The following EDA variants were observed in gnomAD, a reference collection of about 807,000 sequenced individuals.
The protein encoded by EDA is ectodysplasin-A.
In EDA, 2 loss-of-function variants were observed where a neutral mutation model predicts 23.6. That is an observed-to-expected ratio of 0.08 (90% CI 0.03 to 0.27). EDA has a LOEUF of 0.27. Ranked by LOEUF, EDA falls within the 10% of genes least tolerant of loss-of-function variation. EDA has a pLI of 1.00. For synonymous variants in EDA, 131 were observed against 132.0 expected, an observed-to-expected ratio of 0.99 and a Z score of 0.05; for missense variants, 229 against 324.2, an observed-to-expected ratio of 0.71 and a Z score of 2.26.
At chrX:69,713,123 T>C (rs1054187485) in intron 1 of EDA, among the ~76,000 whole-genome samples, 2 of 108,957 alleles carry the variant, frequency 1.8e-5, no homozygotes, top group African/African-American at 6.7e-5. Context: ...AATGACGAGT[T>C]AATGGGTGCA....
At chrX:69,855,985 C>T (rs937809904) in intron 1 of EDA, among the ~76,000 whole-genome samples, 45 of 109,923 alleles carry the variant, frequency 4.1e-4, no homozygotes, top group African/African-American at 1.4e-3. Context: ...GATTTTGGTG[C>T]ACCCATCACC....
At chrX:69,765,483 G>T (rs1333502191) in intron 1 of EDA, among the ~76,000 whole-genome samples, 1 of 111,664 alleles carries the variant, frequency 9.0e-6, no homozygotes, top group Non-Finnish European at 1.9e-5. Context: ...TGTTTTTCTA[G>T]CCTGCAGCCT....
At chrX:69,692,663 T>G (rs1252120803) in intron 1 of EDA, among the ~76,000 whole-genome samples, 1 of 111,981 alleles carries the variant, frequency 8.9e-6, no homozygotes. Context: ...CCCAGTTCAT[T>G]GTAAGGGATT....
chrX:70,009,659 T>A (rs993991131), intron 2 of EDA, among the ~76,000 whole-genome samples: 13 of 111,667 alleles, frequency 1.2e-4, no homozygotes, highest in African/African-American at 3.9e-4. Context: ...CAGTCTTGGC[T>A]CACTGCAACG....
At chrX:69,645,470 A>G (rs1412046542) in intron 1 of EDA, among the ~76,000 whole-genome samples, 3 of 101,870 alleles carry the variant, frequency 2.9e-5, no homozygotes, top group African/African-American at 1.1e-4. Context: ...GATTGTGTTT[A>G]GAGTGTTTCA....
In EDA at chrX:70,036,488, C is replaced by A. The variant is rs1244478272; in HGVS notation, c.*879C>A. On this transcript the variant is annotated 3_prime_UTR_variant, in exon 8 of 8. Transcript: ENST00000374552. ...TCTGAGACAGGTGCCTAACCTGGGA[C>A]CTGTGGTCATGTGAGTCTGGGATAT... 3 of 112,677 alleles carry A rather than the reference C, an allele frequency of 2.7e-5. No homozygotes were observed. Among genetic ancestry groups the A allele is most frequent in the Non-Finnish European group, 5.6e-5 (3 of 53,251 alleles). 9.3% of individuals were successfully genotyped at this position (112,677 alleles called of 1,213,427 possible).
intron 2 of EDA, among the ~76,000 whole-genome samples, chrX:69,971,998 T>G (rs937651798): frequency 1.8e-5 from 2 of 111,265 alleles, no homozygotes; most frequent in Admixed American, 9.6e-5. Flanking sequence ...AATTGGTAAC[T>G]TATTGGGAGA....
At chrX:69,760,072 G>A (rs2014252635) in intron 1 of EDA, among the ~76,000 whole-genome samples, 1 of 107,911 alleles carries the variant, frequency 9.3e-6, no homozygotes, top group Non-Finnish European at 1.9e-5. Flanking sequence ...ACTCTTGCCA[G>A]TGTGAATGGA....
chrX:69,936,576 C>T (rs1160537664), intron 1 of EDA, among the ~76,000 whole-genome samples: 1 of 111,750 alleles, frequency 8.9e-6, no homozygotes, highest in Non-Finnish European at 1.9e-5. Flanking sequence ...TTCTGTGGGT[C>T]AAAACCGAGT....
At chrX:69,927,887 A>T (rs1446440094) in intron 1 of EDA, among the ~76,000 whole-genome samples, 1 of 110,795 alleles carries the variant, frequency 9.0e-6, no homozygotes, top group Non-Finnish European at 1.9e-5. Context: ...TACCCATTCT[A>T]TATGCCATTA....
At chrX:69,994,473 C>T (rs1254488881) in intron 2 of EDA, among the ~76,000 whole-genome samples, 1 of 112,084 alleles carries the variant, frequency 8.9e-6, no homozygotes, top group Non-Finnish European at 1.9e-5. Context: ...ATAAGAATCA[C>T]CTAGGACTTG....
At chrX:69,805,319 T>C (rs1359387461) in intron 1 of EDA, among the ~76,000 whole-genome samples, 1 of 111,356 alleles carries the variant, frequency 9.0e-6, no homozygotes, top group African/African-American at 3.3e-5. Context: ...TGCTCATTGC[T>C]GAAACTATAG....
intron 1 of EDA, among the ~76,000 whole-genome samples, chrX:69,764,449 G>A (rs1398690324): frequency 1.1e-4 from 12 of 106,712 alleles, no homozygotes; most frequent in African/African-American, 3.8e-4. Flanking sequence ...CACCACATTG[G>A]CCAGGCTGGT....
chrX:69,785,606 C>T (rs1024785103), intron 1 of EDA, among the ~76,000 whole-genome samples: 10 of 110,332 alleles, frequency 9.1e-5, no homozygotes, highest in South Asian at 7.7e-4. Context: ...TATTGATTTG[C>T]GCATATTGAA....
At chrX:69,754,986 C>G (rs916780231) in intron 1 of EDA, among the ~76,000 whole-genome samples, 1 of 111,523 alleles carries the variant, frequency 9.0e-6, no homozygotes, top group Non-Finnish European at 1.9e-5. Flanking sequence ...AGCTTCTTTG[C>G]GATGGGTTTG....
intron 1 of EDA, among the ~76,000 whole-genome samples, chrX:69,685,723 T>C (rs753858617): frequency 2.7e-5 from 3 of 111,618 alleles, no homozygotes; most frequent in Admixed American, 9.6e-5. Flanking sequence ...CAGAAAAGGG[T>C]TTTTATTTGT....
intron 1 of EDA, among the ~76,000 whole-genome samples, chrX:69,641,146 A>G (rs1367341340): frequency 2.7e-5 from 3 of 110,692 alleles, no homozygotes; most frequent in East Asian, 5.6e-4. Context: ...TTTTCCTGAC[A>G]CATAACTGCT....
Position 70,029,484 on chromosome X carries a change from T to A in EDA, c.707-20T>A. On this transcript the variant is annotated intron_variant, in intron 4 of 7. Transcript: ENST00000374552. Reference sequence around the variant, plus strand: ...AAGTCAAAAGATTATGCCCTCTGATTGTCCTATCCTATTTTGCAGGTGCTG... The same window carrying A: ...AAGTCAAAAGATTATGCCCTCTGATAGTCCTATCCTATTTTGCAGGTGCTG... The A allele has an allele frequency of 8.3e-7, 1 of 1,211,314 alleles. No individual in the cohort carries two copies. The highest frequency in any genetic ancestry group is 1.1e-6 in the Non-Finnish European group (1 of 894,831).
intron 1 of EDA, chrX:69,620,908 C>T (rs754108405): frequency 3.2e-5 from 12 of 380,626 alleles, no homozygotes; most frequent in African/African-American, 2.8e-4. Context: ...CTGTTTTCCT[C>T]AGGTCTTGCT....
Sources: gnomAD v4.1 joint callset for allele counts (sites outside exome capture counted in the v4.1 genomes callset) on GRCh38, gnomAD v4.1.1 for gene constraint, MANE v1.5 for transcripts, NCBI Gene and HGNC (gene_info 2026-07-23, HGNC 2026-07-21) for gene names.